Variants in COL22A1 observed in about 807,000 individuals in gnomAD.
COL22A1 encodes the protein collagen alpha-1(XXII) chain.
A neutral mutation model predicts 248.9 loss-of-function variants in COL22A1; 221 were observed. That is an observed-to-expected ratio of 0.89 (90% CI 0.80 to 0.99). The LOEUF is 0.99. Among genes scored for constraint, COL22A1 ranks in the 50% least tolerant of loss-of-function variants. The pLI is 0.00. For synonymous variants in COL22A1, 891 were observed against 793.4 expected (o/e 1.12, Z -2.07); for missense variants, 2,240 against 2,179.0 (o/e 1.03, Z -0.56).
At chr8:138,679,783 CCA>C in intron 39 of COL22A1, 107 bp from the exon 40 acceptor site, 3 of 1,004,382 alleles carry the variant, frequency 3.0e-6, no homozygotes, top group Non-Finnish European at 4.7e-6. Context: ...ATCTCTGTAT[CCA>C]CAGTGTCCAG....
chr8:138,866,771 G>T (rs746958562), intron 3 of COL22A1, among the ~76,000 whole-genome samples: 1 of 152,094 alleles, frequency 6.6e-6, no homozygotes, highest in Non-Finnish European at 1.5e-5. Flanking sequence ...CCAAAACCTA[G>T]GAGGGTGTAA....
At chr8:138,742,345 CGTGATG>C (rs1215645645) in intron 22 of COL22A1, among the ~76,000 whole-genome samples, 2 of 94,938 alleles carry the variant, frequency 2.1e-5, no homozygotes, top group Non-Finnish European at 4.4e-5. Context: ...TGCTAGTGAT[CGTGATG>C]GTGATGGTGG....
intron 32 of COL22A1, among the ~76,000 whole-genome samples, chr8:138,696,843 C>T (rs995026682): frequency 1.5e-4 from 23 of 152,196 alleles, no homozygotes; most frequent in African/African-American, 5.5e-4. Flanking sequence ...CCCCATTCAC[C>T]ACAGACAATA....
chr8:138,620,214 A>C (rs1428061801), intron 52 of COL22A1: 1 of 152,246 alleles, frequency 6.6e-6, no homozygotes, highest in Non-Finnish European at 1.5e-5. Flanking sequence ...TGGAAGAATG[A>C]GGGGAGGCCG....
intron 52 of COL22A1, among the ~76,000 whole-genome samples, chr8:138,622,827 T>C (rs1337324573): frequency 1.3e-5 from 2 of 152,132 alleles, no homozygotes; most frequent in East Asian, 3.9e-4. Context: ...CTTGGTATTC[T>C]ATGGGGTGGA....
intron 6 of COL22A1, among the ~76,000 whole-genome samples, chr8:138,824,234 C>G (rs1243616669): frequency 6.6e-6 from 1 of 152,182 alleles, no homozygotes; most frequent in Non-Finnish European, 1.5e-5. Context: ...GGGGACATGA[C>G]TTTCCCATGT....
In COL22A1 at chr8:138,589,360, G is replaced by A; in HGVS notation, c.4774C>T (p.His1592Tyr). The change falls in exon 65 of 65, where the codon CAT becomes TAT. Residue 1592 changes from histidine to tyrosine, a missense_variant. His to Tyr is a moderately conservative substitution (Grantham distance 83). Transcript: ENST00000303045. The part of the protein sequence containing the change: ...GPQGETGPAG[H>Y]PGLPGPPGPP... ...CCGGGAGGTCCTGGGAGGCCAGGAT[G>A]TCCAGCTGGTCCTGTCTCCCCTTGA... 1 of 1,610,656 alleles carries A rather than the reference G, an allele frequency of 6.2e-7. No homozygotes were observed. The highest frequency in any genetic ancestry group is 8.5e-7 in the Non-Finnish European group (1 of 1,178,470).
At chr8:138,631,676 C>G (rs1332788445) in intron 49 of COL22A1, among the ~76,000 whole-genome samples, 1 of 107,670 alleles carries the variant, frequency 9.3e-6, no homozygotes, top group Non-Finnish European at 1.9e-5. Flanking sequence ...CCCCTACATT[C>G]TAGTCCCTCA....
rs1017617485 is a variant in COL22A1 at position 138,661,422 on chromosome 8, T to C, written c.3240+608A>G. On this transcript the variant is annotated intron_variant, in intron 43 of 64. Transcript: ENST00000303045. The stretch of plus-strand genomic sequence containing the variant: ...ACCTTTGTCCTATAAGGACTCATGG[T>C]TGTCATTTACCATTTGGTCAATGAG... Among the ~76,000 whole-genome samples, 5 of 152,194 alleles carry C rather than the reference T, an allele frequency of 3.3e-5. No homozygotes were observed. In the East Asian group the frequency reaches 9.6e-4, roughly 29 times the overall value.
chr8:138,756,839 G>C (rs55765334), intron 18 of COL22A1, among the ~76,000 whole-genome samples: 5,138 of 152,068 alleles, frequency 0.034, 129 homozygotes, highest in Non-Finnish European at 0.04. Flanking sequence ...ATCCCTGCCC[G>C]AGACCTGGAA....
chr8:138,829,403 G>GGTTTTT (rs1819848542), intron 5 of COL22A1, among the ~76,000 whole-genome samples: 1 of 90,640 alleles, frequency 1.1e-5, no homozygotes, highest in Admixed American at 1.6e-4. Flanking sequence ...TTCCTTTCCT[G>GGTTTTT]TTTTTTTTTT....
intron 41 of COL22A1, among the ~76,000 whole-genome samples, chr8:138,673,703 T>C (rs1825255623): frequency 6.6e-6 from 1 of 152,144 alleles, no homozygotes; most frequent in Admixed American, 6.5e-5. Flanking sequence ...ATTGGCCACA[T>C]CATGTCACCT....
intron 18 of COL22A1, among the ~76,000 whole-genome samples, chr8:138,759,909 T>G (rs1833313604): frequency 6.6e-6 from 1 of 152,006 alleles, no homozygotes; most frequent in Admixed American, 6.6e-5. Context: ...ATTTATAGCC[T>G]TCCTTATTCC....
chr8:138,845,543 ATAAT>A (rs1273902778), intron 3 of COL22A1, among the ~76,000 whole-genome samples: 9 of 151,886 alleles, frequency 5.9e-5, no homozygotes, highest in African/African-American at 2.2e-4. Context: ...AAATAAATAA[ATAAT>A]AAAAAGTTGG....
At chr8:138,592,347 A>G (rs1817140045) in intron 63 of COL22A1, among the ~76,000 whole-genome samples, 1 of 152,176 alleles carries the variant, frequency 6.6e-6, no homozygotes, top group Non-Finnish European at 1.5e-5. Context: ...TGCTGCATGC[A>G]GTGTATTTTC....
chr8:138,752,001 G>A (rs1022688882), intron 21 of COL22A1, among the ~76,000 whole-genome samples: 8 of 152,180 alleles, frequency 5.3e-5, no homozygotes, highest in Admixed American at 3.9e-4. Flanking sequence ...GAACACTGGC[G>A]CAGGGAGGGG....
At chr8:138,760,906 C>T (rs552595760) in intron 17 of COL22A1, among the ~76,000 whole-genome samples, 45 of 152,294 alleles carry the variant, frequency 3.0e-4, no homozygotes, top group African/African-American at 9.9e-4. Context: ...CCAGGAGCCA[C>T]AGCACAGAGC....
intron 35 of COL22A1, among the ~76,000 whole-genome samples, chr8:138,691,940 ACG>A (rs1826999437): frequency 6.5e-5 from 3 of 46,286 alleles, no homozygotes; most frequent in African/African-American, 8.6e-5. Flanking sequence ...AGGTGTGTGT[ACG>A]TGTGTGCATG....
intron 40 of COL22A1, among the ~76,000 whole-genome samples, chr8:138,677,085 A>C (rs1043970295): frequency 7.2e-5 from 11 of 152,218 alleles, no homozygotes; most frequent in African/African-American, 2.2e-4. Context: ...TACATTTTGC[A>C]CATCATCCTT....
Sources: allele counts gnomAD v4.1 joint callset (sites outside exome capture counted in the v4.1 genomes callset), GRCh38; gene constraint gnomAD v4.1.1; transcripts MANE v1.5; gene names NCBI Gene and HGNC (gene_info 2026-07-23, HGNC 2026-07-21).